The following DNAH10 variants were observed in gnomAD, a reference collection of about 807,000 sequenced individuals.
DNAH10 encodes the protein dynein axonemal heavy chain 10.
A neutral mutation model predicts 506.6 loss-of-function variants in DNAH10; 348 were observed. The observed-to-expected ratio is 0.69, with a 90% confidence interval of 0.63 to 0.75. The LOEUF (loss-of-function observed/expected upper bound fraction) is 0.75. Among genes scored for constraint, DNAH10 ranks in the 30% least tolerant of loss-of-function variants. DNAH10 has a pLI of 0.00. For synonymous variants in DNAH10, 2,059 were observed against 2,198.6 expected, an observed-to-expected ratio of 0.94 and a Z score of 1.78; for missense variants, 5,179 against 5,787.1, an observed-to-expected ratio of 0.89 and a Z score of 3.41.
rs1308868065 is a variant in DNAH10, at chr12:123,926,307, G to A, written c.11922-330G>A. 7.6e-5 allele frequency: 23 copies of A among 300,752 alleles called. No homozygotes were observed. The highest frequency in any genetic ancestry group is 4.5e-4 in the African/African-American group (21 of 46,338). The allele number at this position is 300,752 out of a possible 1,614,324, so 18.6% of individuals were successfully genotyped here. A position where few individuals can be genotyped will look rare whatever the true frequency, so the allele number is the denominator to read the frequency against. The stretch of plus-strand genomic sequence containing the variant: ...CACAAAACTCAAAACTCAAGATGTG[G>A]ACCATTCAGGACACGCCTGTGGAAC... On this transcript the variant is annotated intron_variant, in intron 68 of 78. Coordinates refer to ENST00000673944, the MANE Select transcript of DNAH10 (RefSeq NM_001372106.1). This position sits in a 1 kb window ranked among gnomAD's most constrained non-coding sequence, Gnocchi z 4.1.
intron 51 of DNAH10, among the ~76,000 whole-genome samples, chr12:123,882,942 A>G (rs952749137): frequency 1.3e-5 from 2 of 152,050 alleles, no homozygotes; most frequent in African/African-American, 4.8e-5. Context: ...CTGTCTCTAT[A>G]GTCTTCCTAT....
chr12:123,908,181 GTCTCCTCCCT>G (rs1953890823), intron 57 of DNAH10: 1 of 351,540 alleles, frequency 2.8e-6, no homozygotes, highest in Non-Finnish European at 5.6e-6. Context: ...CTGTCTCTCT[GTCTCCTCCCT>G]GTCTCTCTGT....
chr12:123,830,854 G>A (rs1162576697), intron 26 of DNAH10, among the ~76,000 whole-genome samples, 155 bp downstream of exon 26: 1 of 152,018 alleles, frequency 6.6e-6, no homozygotes, highest in Non-Finnish European at 1.5e-5. Context: ...GAGGTGGGAG[G>A]ATCACTTGAA....
At chr12:123,796,888 T>C in intron 13 of DNAH10, 56 bp downstream of exon 13, 1 of 1,352,122 alleles carries the variant, frequency 7.4e-7, no homozygotes, top group South Asian at 1.5e-5. Context: ...TTTTTTTTTT[T>C]GAGATGGAGT....
At position 123,928,488 on chromosome 12, in the gene DNAH10, C is replaced by T. The variant is rs568552345; in HGVS notation, c.12207C>T (p.Ser4069=). 20 of 1,611,214 alleles carry T rather than the reference C, an allele frequency of 1.2e-5. No individual in the cohort carries two copies. In the African/African-American group the frequency reaches 2.3e-4, roughly 18 times the overall value. The change falls in exon 70 of 79, where the codon TCC becomes TCT. Residue 4069 remains serine, a synonymous_variant. Coordinates refer to ENST00000673944, the MANE Select transcript of DNAH10 (RefSeq NM_001372106.1). This position sits in a 1 kb window ranked among gnomAD's most constrained non-coding sequence, Gnocchi z 4.9. ...LVKWLKDLEK[S]LERITKPHPD... is the part of the protein sequence containing the mutation. ...AGTGGCTGAAAGATCTGGAGAAGTC[C>T]CTGGAGAGGATCACCAAGCCCCACC...
rs142944941 is a variant in DNAH10 at position 123,882,611 on chromosome 12, G to A, written c.8823+798G>A. ...AGTTCATCATCACCCTTGCCAACATGGTGAAACCCCGTCTCTACTAAAAAT... is the reference window on the plus strand; with the variant it reads ...AGTTCATCATCACCCTTGCCAACATAGTGAAACCCCGTCTCTACTAAAAAT... On this transcript the variant is annotated intron_variant, in intron 51 of 78. Coordinates refer to ENST00000673944, the MANE Select transcript of DNAH10 (RefSeq NM_001372106.1). Among the ~76,000 whole-genome samples, 553 of 151,860 alleles carry A rather than the reference G, an allele frequency of 3.6e-3. 3 individuals are homozygous for A. The highest frequency in any genetic ancestry group is 4.1e-3 in the Non-Finnish European group (281 of 67,962).
intron 30 of DNAH10, among the ~76,000 whole-genome samples, chr12:123,845,298 C>T (rs1594175103): frequency 6.6e-6 from 1 of 152,112 alleles, no homozygotes; most frequent in African/African-American, 2.4e-5. Context: ...ACGACTGGCC[C>T]CAAACATTTA....
At chr12:123,797,674 G>A (rs1020663122) in intron 13 of DNAH10, among the ~76,000 whole-genome samples, 6 of 152,238 alleles carry the variant, frequency 3.9e-5, no homozygotes, top group African/African-American at 1.4e-4. Context: ...TGGGCTTACA[G>A]GCGTGAGCCA....
chr12:123,875,966 T>G (rs1373500063), intron 47 of DNAH10, among the ~76,000 whole-genome samples: 2 of 152,234 alleles, frequency 1.3e-5, no homozygotes, highest in Non-Finnish European at 2.9e-5. Flanking sequence ...GGGTGCCTAG[T>G]GCACACTGCC....
chr12:123,927,981 T>C (rs1478121650), intron 69 of DNAH10: 1 of 216,918 alleles, frequency 4.6e-6, no homozygotes, highest in African/African-American at 2.3e-5. Flanking sequence ...GACATGGTGA[T>C]TGTTTTCCAG....
In DNAH10 at chr12:123,926,258, A is replaced by G. The variant is rs1005519748; in HGVS notation, c.11922-379A>G. On this transcript the variant is annotated intron_variant, in intron 68 of 78. Coordinates refer to ENST00000673944, the MANE Select transcript of DNAH10 (RefSeq NM_001372106.1). This position sits in a 1 kb window ranked among gnomAD's most constrained non-coding sequence, Gnocchi z 4.1. ...AATTTAAAAAAAAAAAAAAAAAAGA[A>G]AAAGAAAAAACCCACACACAAAACA... is the stretch of plus-strand genomic sequence containing the variant. 1.3e-5 allele frequency among the ~76,000 whole-genome samples: 2 copies of G among 151,648 alleles called. No homozygotes were observed. Among genetic ancestry groups the G allele is most frequent in the African/African-American group, 2.4e-5 (1 of 41,338 alleles).
In DNAH10 at chr12:123,907,950, A is replaced by G. The variant is rs1452040535; in HGVS notation, c.9816-1311A>G. Among the ~76,000 whole-genome samples, 5 of 151,750 alleles carry G rather than the reference A, an allele frequency of 3.3e-5. No individual in the cohort carries two copies. Among genetic ancestry groups the G allele is most frequent in the Admixed American group, 1.3e-4 (2 of 15,244 alleles). On this transcript the variant is annotated intron_variant, in intron 57 of 78. Transcript: ENST00000673944. This position sits in a 1 kb window ranked among gnomAD's most constrained non-coding sequence, Gnocchi z 4.4. ...GGCTGTTGCCCTGGCTTGTCCGTAC[A>G]CTATGGGGCCTTCTCTCCTCTGCTG...
chr12:123,832,513 ATT>A (rs879362943), intron 26 of DNAH10, among the ~76,000 whole-genome samples: 2 of 147,252 alleles, frequency 1.4e-5, no homozygotes. Flanking sequence ...ATCAATACAG[ATT>A]TTTTTTTTTT....
At chr12:123,875,057 A>G (rs1018754885) in intron 46 of DNAH10, among the ~76,000 whole-genome samples, 174 bp from the exon 47 acceptor site, 2 of 152,210 alleles carry the variant, frequency 1.3e-5, no homozygotes. Flanking sequence ...CAAAAAACAC[A>G]ATCACAAATG....
rs759138293 is a variant in DNAH10 at position 123,933,477 on chromosome 12, G to GGATGCAGATGAA, written c.13445_13456dup (p.Asp4482_Glu4485dup). On this transcript the variant is annotated inframe_insertion, in exon 77 of 79. Transcript: ENST00000673944. ...TGTTCACACAAGTGACCAAGTTCCA[G>GGATGCAGATGAA]GATGCAGATGAAGTGAATGAGCGGG... is the stretch of plus-strand genomic sequence containing the variant. The GGATGCAGATGAA allele has an allele frequency of 1.2e-6, 2 of 1,610,388 alleles. No individual in the cohort carries two copies. Among genetic ancestry groups the GGATGCAGATGAA allele is most frequent in the Non-Finnish European group, 1.7e-6 (2 of 1,178,150 alleles).
intron 78 of DNAH10, 76 bp from the exon 79 acceptor site, chr12:123,935,259 A>G (rs892528651): frequency 1.9e-6 from 3 of 1,553,524 alleles, no homozygotes; most frequent in Non-Finnish European, 2.6e-6. Context: ...GCCTGTCAAG[A>G]CTTACACTGC....
chr12:123,782,280 CAAAT>C (rs1356025741), intron 6 of DNAH10, among the ~76,000 whole-genome samples: 2 of 146,820 alleles, frequency 1.4e-5, no homozygotes, highest in East Asian at 4.2e-4. Context: ...ATCTCTGAGA[CAAAT>C]AGTTGGGCTT....
At chr12:123,773,615 C>T (rs1349713892) in intron 4 of DNAH10, among the ~76,000 whole-genome samples, 2 of 152,190 alleles carry the variant, frequency 1.3e-5, no homozygotes. Context: ...CTTCCTGGTT[C>T]ACAGATGGCA....
chr12:123,880,280 C>T (rs1952447629), intron 50 of DNAH10, among the ~76,000 whole-genome samples: 2 of 152,120 alleles, frequency 1.3e-5, no homozygotes, highest in Non-Finnish European at 2.9e-5. Context: ...TTCTTAATCT[C>T]CTCTGGACAA....
Sources: gnomAD v4.1 joint callset for allele counts (sites outside exome capture counted in the v4.1 genomes callset) on GRCh38, gnomAD v4.1.1 for gene constraint, Gnocchi (gnomAD v3.1) non-coding constraint, MANE v1.5 for transcripts, NCBI Gene and HGNC (gene_info 2026-07-23, HGNC 2026-07-21) for gene names.